ALDH1A2: variants seen among roughly 807,000 people sequenced by gnomAD.
ALDH1A2 encodes retinal dehydrogenase 2.
Under a neutral mutation model 60.3 loss-of-function variants are expected in ALDH1A2, and 27 were observed. The ratio of observed to expected loss-of-function variants is 0.45; its 90% CI spans 0.33 to 0.62. The LOEUF (loss-of-function observed/expected upper bound fraction) is 0.62. ALDH1A2 is among the 20% of genes least tolerant of loss of function. The pLI, the probability that ALDH1A2 is intolerant of heterozygous loss-of-function variation, is 0.02. For synonymous variants in ALDH1A2, 289 were observed against 232.4 expected (o/e 1.24, Z -2.21); for missense variants, 581 against 643.8 (o/e 0.90, Z 1.06).
In ALDH1A2 at chr15:58,062,569, G is replaced by A. The variant is rs892065819; in HGVS notation, c.117+2965C>T. Reference sequence around the variant, plus strand: ...AAAATTTTAAATTCATAAACACATCGCTCAAGGCAATCAGAATGCAGTCTT... The same window carrying A: ...AAAATTTTAAATTCATAAACACATCACTCAAGGCAATCAGAATGCAGTCTT... On this transcript the variant is annotated intron_variant, in intron 1 of 12. Transcript: ENST00000249750. Among the ~76,000 whole-genome samples the A allele has an allele frequency of 1.3e-5, 2 of 152,214 alleles. 1 individual carries two copies. The highest frequency in any genetic ancestry group is 2.9e-5 in the Non-Finnish European group (2 of 68,004).
At chr15:57,988,031 T>A (rs1197232497) in intron 7 of ALDH1A2, among the ~76,000 whole-genome samples, 1 of 152,114 alleles carries the variant, frequency 6.6e-6, no homozygotes, top group Non-Finnish European at 1.5e-5. Flanking sequence ...GAAATGGGCC[T>A]ACAACACAAA....
At chr15:58,021,997 T>C (rs1231941810) in intron 1 of ALDH1A2, among the ~76,000 whole-genome samples, 1 of 152,098 alleles carries the variant, frequency 6.6e-6, no homozygotes, top group Non-Finnish European at 1.5e-5. Context: ...AGAGGCACAA[T>C]TCCCCACCTG....
chr15:58,044,742 C>A (rs1391468355), intron 1 of ALDH1A2, among the ~76,000 whole-genome samples: 2 of 151,972 alleles, frequency 1.3e-5, no homozygotes, highest in African/African-American at 2.4e-5. Context: ...CTCTTCCAAC[C>A]AACAGGACTA....
intron 4 of ALDH1A2, among the ~76,000 whole-genome samples, chr15:58,001,374 T>A (rs544059249): frequency 1.1e-4 from 16 of 151,558 alleles, no homozygotes; most frequent in Non-Finnish European, 2.4e-4. Context: ...ACAAATGGGG[T>A]AAAAATAAAC....
intron 4 of ALDH1A2, among the ~76,000 whole-genome samples, chr15:58,008,723 C>G (rs1287419141): frequency 6.6e-6 from 1 of 152,040 alleles, no homozygotes; most frequent in Non-Finnish European, 1.5e-5. Context: ...ACCAAAAAAA[C>G]CAACAACTAG....
At chr15:57,988,818 C>T (rs1020576179) in intron 7 of ALDH1A2, among the ~76,000 whole-genome samples, 53 of 152,206 alleles carry the variant, frequency 3.5e-4, no homozygotes, top group African/African-American at 1.2e-3. Flanking sequence ...CACTATGTGG[C>T]TTCTTGTCTG....
At chr15:58,042,505 G>A (rs749496198) in intron 1 of ALDH1A2, among the ~76,000 whole-genome samples, 3 of 151,878 alleles carry the variant, frequency 2.0e-5, no homozygotes, top group African/African-American at 4.8e-5. Flanking sequence ...AATTAAAAAC[G>A]TACATTGTTT....
intron 4 of ALDH1A2, among the ~76,000 whole-genome samples, chr15:58,008,615 C>T (rs1272993722): frequency 6.6e-6 from 1 of 152,122 alleles, no homozygotes; most frequent in Non-Finnish European, 1.5e-5. Context: ...CCTTCTGTTT[C>T]ACAATCTTCC....
At chr15:58,042,580 G>A (rs1049138798) in intron 1 of ALDH1A2, among the ~76,000 whole-genome samples, 5 of 151,902 alleles carry the variant, frequency 3.3e-5, no homozygotes, top group African/African-American at 1.2e-4. Context: ...TGAAATCCTA[G>A]AATCACTTTC....
intron 4 of ALDH1A2, among the ~76,000 whole-genome samples, chr15:58,006,701 T>C (rs888162904): frequency 5.1e-5 from 5 of 98,326 alleles, no homozygotes; most frequent in African/African-American, 1.5e-4. Flanking sequence ...TTTTAAATTA[T>C]GGACTTTTTT....
intron 1 of ALDH1A2, among the ~76,000 whole-genome samples, chr15:58,055,009 T>C (rs973775144): frequency 6.6e-6 from 1 of 152,252 alleles, no homozygotes; most frequent in East Asian, 1.9e-4. Flanking sequence ...AGGATCTGAA[T>C]GAAATATGGG....
chr15:57,970,259 C>T (rs181999305), intron 7 of ALDH1A2, among the ~76,000 whole-genome samples: 2 of 152,290 alleles, frequency 1.3e-5, no homozygotes, highest in East Asian at 3.9e-4. Context: ...GATAGTGTTC[C>T]TATCATGCAG....
At position 57,955,169 on chromosome 15, in the gene ALDH1A2, C is replaced by A; in HGVS notation, c.*28G>T. On this transcript the variant is annotated 3_prime_UTR_variant, in exon 13 of 13. Transcript: ENST00000249750. ...AAGCAGAGAGGGACAGACGTGCAGG[C>A]TGGGCTTCATCCTCCTTCTTGGCCT... 1 of 1,609,022 alleles carries A rather than the reference C, an allele frequency of 6.2e-7. No individual in the cohort carries two copies. Among genetic ancestry groups the A allele is most frequent in the Non-Finnish European group, 8.5e-7 (1 of 1,175,390 alleles).
chr15:57,982,101 C>A (rs1894535442), intron 7 of ALDH1A2, among the ~76,000 whole-genome samples: 1 of 152,134 alleles, frequency 6.6e-6, no homozygotes, highest in South Asian at 2.1e-4. Flanking sequence ...CACCTGAACA[C>A]CCCTCACTAG....
rs763149416 is a variant in ALDH1A2, at chr15:57,963,904, G to C, written c.1067C>G (p.Thr356Ser). The change falls in exon 9 of 13, where the codon ACC becomes AGC. Residue 356 changes from threonine (T) to serine (S), a missense_variant. By Grantham distance (58) the Thr-to-Ser change is moderately conservative (BLOSUM62 1). Transcript: ENST00000249750. ...TTCTACCTGGGGACCCTGCTCAGTG[G>C]TGGGGTCAAAGGGACTCCCCACTAC... The part of the protein sequence containing the change: ...RRVVGSPFDP[T>S]TEQGPQIDKK... The C allele has an allele frequency of 3.3e-5, 54 of 1,614,070 alleles. No homozygotes were observed. The highest frequency in any genetic ancestry group is 4.2e-5 in the Non-Finnish European group (49 of 1,180,034).
intron 1 of ALDH1A2, among the ~76,000 whole-genome samples, chr15:58,061,615 A>AAAAAAAAAAAAAAAAAAAAG (rs1566964663): frequency 6.8e-6 from 1 of 146,116 alleles, no homozygotes; most frequent in Non-Finnish European, 1.5e-5. Context: ...AAAAACAAAA[A>AAAAAAAAAAAAAAAAAAAAG]AAAAAAAAAA....
rs75684300 is a variant in ALDH1A2, at chr15:58,043,353, G to C, written c.117+22181C>G. ...TCTATTGCCATCCCTTACAACCCTTGAGTTCTAATATTCTGTACATCTGGG... is the reference window on the plus strand; with the variant it reads ...TCTATTGCCATCCCTTACAACCCTTCAGTTCTAATATTCTGTACATCTGGG... On this transcript the variant is annotated intron_variant, in intron 1 of 12. Transcript: ENST00000249750. Among the ~76,000 whole-genome samples the C allele has an allele frequency of 6.3e-3, 964 of 152,032 alleles. 16 individuals are homozygous for C. The highest frequency in any genetic ancestry group is 0.021 in the African/African-American group (880 of 41,520).
intron 1 of ALDH1A2, among the ~76,000 whole-genome samples, chr15:58,039,156 C>G (rs1323466387): frequency 2.0e-5 from 3 of 151,782 alleles, no homozygotes; most frequent in Admixed American, 2.0e-4. Context: ...TGCATTTAAT[C>G]TGACTTTCAT....
chr15:57,961,970 C>T, intron 10 of ALDH1A2, 42 bp downstream of exon 10: 1 of 1,609,584 alleles, frequency 6.2e-7, no homozygotes, highest in South Asian at 1.1e-5. Context: ...AGAAATGATC[C>T]CAAGAAAGAT....
Sources: allele counts gnomAD v4.1 joint callset (sites outside exome capture counted in the v4.1 genomes callset), GRCh38; gene constraint gnomAD v4.1.1; transcripts MANE v1.5; gene names NCBI Gene and HGNC (gene_info 2026-07-23, HGNC 2026-07-21).